NR2C1: variants seen among roughly 807,000 people sequenced by gnomAD.
The protein encoded by NR2C1 is nuclear receptor subfamily 2 group C member 1.
NR2C1 carries 33 observed loss-of-function variants against 74.8 expected under a neutral mutation model. The ratio of observed to expected loss-of-function variants is 0.44; its 90% CI spans 0.33 to 0.59. The LOEUF (loss-of-function observed/expected upper bound fraction) is 0.59. NR2C1 is among the 20% of genes least tolerant of loss of function. The pLI, the probability that NR2C1 is intolerant of heterozygous loss-of-function variation, is 0.02. For missense variants in NR2C1, 568 were observed against 715.6 expected (o/e 0.79, Z 2.35); for synonymous variants, 225 against 240.6 (o/e 0.94, Z 0.60).
At chr12:95,052,931 CTTTTT>C (rs761736780) in intron 7 of NR2C1, among the ~76,000 whole-genome samples, 1 of 151,932 alleles carries the variant, frequency 6.6e-6, no homozygotes, top group Non-Finnish European at 1.5e-5. Flanking sequence ...ATTCTCTTCA[CTTTTT>C]TGTCACTGGA....
At chr12:95,064,156 C>T (rs1384997966) in intron 2 of NR2C1, among the ~76,000 whole-genome samples, 5 of 150,622 alleles carry the variant, frequency 3.3e-5, no homozygotes, top group South Asian at 2.1e-4. Flanking sequence ...AGTGAAATCC[C>T]GTCTCTACTA....
chr12:95,053,281 AT>A (rs1437622565), intron 7 of NR2C1, among the ~76,000 whole-genome samples: 12 of 151,636 alleles, frequency 7.9e-5, no homozygotes, highest in Non-Finnish European at 1.5e-4. Context: ...GCTTGTCTTC[AT>A]TTTTTTAATG....
At chr12:95,060,571 C>T (rs1203108944) in intron 3 of NR2C1, among the ~76,000 whole-genome samples, 2 of 152,162 alleles carry the variant, frequency 1.3e-5, no homozygotes, top group Non-Finnish European at 2.9e-5. Context: ...AGGAGAATCG[C>T]TTGAACCCAG....
chr12:95,034,541 T>G (rs1429656680), intron 10 of NR2C1, among the ~76,000 whole-genome samples: 1 of 152,192 alleles, frequency 6.6e-6, no homozygotes, highest in Admixed American at 6.5e-5. Context: ...CATCGAAAGT[T>G]GAAATGTGCA....
rs769461762 is a variant in NR2C1, at chr12:95,022,394, T to C, written c.1647A>G (p.Arg549=). ...TTAAAGCTGGCAATCTGAGTAGTAG[T>C]CTGGATAACCTAAAAAAAGAAAGAA... is the stretch of plus-strand genomic sequence containing the variant. The part of the protein sequence containing the change: ...TYPDDTYRLS[R]LLLRLPALRL... The change falls in exon 14 of 14, where the codon AGA becomes AGG. Residue 549 remains arginine, a synonymous_variant. Transcript: ENST00000333003. 6.2e-7 allele frequency: 1 copy of C among 1,606,418 alleles called. No individual in the cohort carries two copies. Among genetic ancestry groups the C allele is most frequent in the Admixed American group, 1.7e-5 (1 of 57,872 alleles).
At chr12:95,064,393 G>C (rs1479605076) in intron 2 of NR2C1, among the ~76,000 whole-genome samples, 2 of 151,780 alleles carry the variant, frequency 1.3e-5, no homozygotes, top group Admixed American at 6.6e-5. Context: ...CACTACTGCA[G>C]GTACCATCAA....
intron 11 of NR2C1, among the ~76,000 whole-genome samples, chr12:95,028,990 T>A (rs1592724221): frequency 6.6e-6 from 1 of 152,276 alleles, no homozygotes; most frequent in East Asian, 1.9e-4. Context: ...AATTAAGTAT[T>A]TCTGCAATTA....
chr12:95,040,947 T>C (rs1871448991), intron 9 of NR2C1, among the ~76,000 whole-genome samples: 2 of 152,216 alleles, frequency 1.3e-5, no homozygotes, highest in South Asian at 4.1e-4. Flanking sequence ...AAGGAGAAAT[T>C]CTGTCCGCTA....
In NR2C1 at chr12:95,031,403, C is replaced by T. The variant is rs1160972741; in HGVS notation, c.1339G>A (p.Val447Ile). The change falls in exon 11 of 14, where the codon GTA (valine) becomes ATA (isoleucine). Residue 447 changes from valine (V) to isoleucine (I), a missense_variant. Around this residue, in one of 6 missense-constraint regions of NR2C1, gnomAD observed 117 missense variants for 186.7 expected, o/e 0.63. Transcript: ENST00000333003. ...GLAQCWQVMN[V>I]ATILATFVNC... ...ACAAATGTTGCTAATATAGTTGCTA[C>T]ATTCATCACTTGCCAGCACTGGGCA... The T allele has an allele frequency of 1.0e-5, 16 of 1,607,078 alleles. No homozygotes were observed. Among genetic ancestry groups the T allele is most frequent in the Non-Finnish European group, 1.4e-5 (16 of 1,177,288 alleles).
rs781643783 is a variant in NR2C1, at chr12:95,060,008, GAAAA to G, written c.286-28_286-25del. The G allele has an allele frequency of 3.1e-4, 283 of 907,588 alleles. 1 individual carries two copies. The highest frequency in any genetic ancestry group is 5.4e-5 in the Non-Finnish European group (35 of 649,420). 56.2% of individuals were successfully genotyped at this position (907,588 alleles called of 1,614,324 possible). ...AGCTAAAAAAAAAAAAAAAAAAAAA[GAAAA>G]CAAAAACGAAAACCTGTTGTTACTC... On this transcript the variant is annotated intron_variant, in intron 3 of 13. Transcript: ENST00000333003.
intron 9 of NR2C1, among the ~76,000 whole-genome samples, chr12:95,044,860 C>G (rs1872106915): frequency 6.6e-6 from 1 of 152,068 alleles, no homozygotes; most frequent in Non-Finnish European, 1.5e-5. Context: ...CCAGCCTGGG[C>G]TATAGAGCCA....
chr12:95,050,585 A>G (rs937609954), intron 8 of NR2C1, among the ~76,000 whole-genome samples: 11 of 151,954 alleles, frequency 7.2e-5, no homozygotes, highest in Admixed American at 6.6e-4. Flanking sequence ...GTAGGATTAC[A>G]GGCATACGCC....
At chr12:95,059,822 T>C in intron 4 of NR2C1, 84 bp downstream of exon 4, 1 of 878,406 alleles carries the variant, frequency 1.1e-6, no homozygotes, top group Non-Finnish European at 1.7e-6. Context: ...AGAAACATGG[T>C]AGTGTGGTAG....
chr12:95,064,246 T>A (rs1431539147), intron 2 of NR2C1, among the ~76,000 whole-genome samples: 1 of 150,522 alleles, frequency 6.6e-6, no homozygotes, highest in African/African-American at 2.5e-5. Context: ...GGAGAATCAC[T>A]TGAACCAGGG....
intron 1 of NR2C1, among the ~76,000 whole-genome samples, chr12:95,069,872 C>T (rs371784639): frequency 9.9e-5 from 15 of 152,280 alleles, no homozygotes; most frequent in African/African-American, 3.6e-4. Flanking sequence ...GCAACTCTCC[C>T]TTTCCCTAAC....
intron 5 of NR2C1, 86 bp from the exon 6 acceptor site, chr12:95,057,964 T>C (rs1874173957): frequency 3.6e-6 from 4 of 1,114,348 alleles, no homozygotes; most frequent in Non-Finnish European, 5.3e-6. Context: ...TTAATGCTGC[T>C]AATAGGAGAC....
chr12:95,045,121 G>C (rs1872146059), intron 9 of NR2C1, among the ~76,000 whole-genome samples: 1 of 152,116 alleles, frequency 6.6e-6, no homozygotes, highest in South Asian at 2.1e-4. Flanking sequence ...CTAATTACCA[G>C]TATGACCCTA....
In NR2C1 at chr12:95,067,405, A is replaced by T; in HGVS notation, c.-7-14T>A. On this transcript the variant is annotated splice_polypyrimidine_tract_variant and intron_variant, in intron 1 of 13. Coordinates refer to ENST00000333003, the MANE Select transcript of NR2C1 (RefSeq NM_003297.4). The stretch of plus-strand genomic sequence containing the variant: ...GCCATGATCTACCTGCCAAAAATAA[A>T]AAGATGTTTTATAATTAAACTCACA... The T allele has an allele frequency of 6.3e-7, 1 of 1,589,420 alleles. No individual in the cohort carries two copies. Among genetic ancestry groups the T allele is most frequent in the Non-Finnish European group, 8.6e-7 (1 of 1,157,838 alleles).
At chr12:95,036,800 C>G (rs1347712767) in intron 10 of NR2C1, among the ~76,000 whole-genome samples, 3 of 152,158 alleles carry the variant, frequency 2.0e-5, no homozygotes, top group Non-Finnish European at 1.5e-5. Context: ...CATGAGCCAC[C>G]AGGCCTGGCC....
Sources: allele counts gnomAD v4.1 joint callset (sites outside exome capture counted in the v4.1 genomes callset), GRCh38; gene constraint gnomAD v4.1.1; regional missense constraint gnomAD v4.1.1; transcripts MANE v1.5; gene names NCBI Gene and HGNC (gene_info 2026-07-23, HGNC 2026-07-21).